The following DPP10 variants were observed in gnomAD, a reference collection of about 807,000 sequenced individuals.
DPP10 encodes the protein dipeptidyl peptidase like 10.
Under a neutral mutation model 120.9 loss-of-function variants are expected in DPP10, and 33 were observed. The observed-to-expected ratio is 0.27, with a 90% CI of 0.21 to 0.37. DPP10 has a LOEUF of 0.37. DPP10 is among the 10% of genes least tolerant of loss of function. The pLI, the probability that DPP10 is intolerant of heterozygous loss-of-function variation, is 1.00. For synonymous variants in DPP10, 337 were observed against 326.1 expected, an observed-to-expected ratio of 1.03 and a Z score of -0.36; for missense variants, 816 against 942.8, an observed-to-expected ratio of 0.87 and a Z score of 1.76.
chr2:115,565,741 G>C (rs1208532955), intron 5 of DPP10, among the ~76,000 whole-genome samples: 1 of 137,946 alleles, frequency 7.2e-6, no homozygotes, highest in East Asian at 2.1e-4. Flanking sequence ...TTAGGTAGAG[G>C]TTATGGGTTT....
At chr2:115,298,177 C>T (rs2060972855) in intron 1 of DPP10, among the ~76,000 whole-genome samples, 1 of 152,008 alleles carries the variant, frequency 6.6e-6, no homozygotes, top group African/African-American at 2.4e-5. Context: ...GAAATAGTCT[C>T]TGACCTGGTA....
intron 1 of DPP10, among the ~76,000 whole-genome samples, chr2:114,984,923 C>G (rs1482041230): frequency 1.3e-5 from 2 of 152,102 alleles, no homozygotes; most frequent in Non-Finnish European, 2.9e-5. Flanking sequence ...TTTACACTTG[C>G]CCTCTCCTAG....
intron 4 of DPP10, among the ~76,000 whole-genome samples, chr2:115,525,326 A>G (rs554849934): frequency 1.3e-4 from 20 of 152,228 alleles, no homozygotes; most frequent in Admixed American, 5.2e-4. Flanking sequence ...CAATTATTAG[A>G]TTATAGGCTC....
chr2:115,551,315 A>G (rs1017991418), intron 5 of DPP10, among the ~76,000 whole-genome samples: 1 of 152,138 alleles, frequency 6.6e-6, no homozygotes, highest in African/African-American at 2.4e-5. Flanking sequence ...ATTAAGAACA[A>G]ATTGCTCTTG....
At chr2:115,015,742 A>G (rs886766370) in intron 1 of DPP10, among the ~76,000 whole-genome samples, 4 of 152,176 alleles carry the variant, frequency 2.6e-5, no homozygotes, top group Non-Finnish European at 5.9e-5. Context: ...GTGAACTCCA[A>G]TTCACAATTG....
intron 1 of DPP10, among the ~76,000 whole-genome samples, chr2:115,244,797 G>A (rs778520528): frequency 6.6e-6 from 1 of 151,166 alleles, no homozygotes; most frequent in African/African-American, 2.4e-5. Context: ...ATATGTGTGT[G>A]TGTGTGTATA....
intron 2 of DPP10, among the ~76,000 whole-genome samples, chr2:115,314,032 G>T (rs2061686152): frequency 6.6e-6 from 1 of 152,150 alleles, no homozygotes; most frequent in South Asian, 2.1e-4. Context: ...TCTAGTAAAG[G>T]TATGCATCTA....
intron 21 of DPP10, among the ~76,000 whole-genome samples, chr2:115,834,475 A>C (rs956429065): frequency 1.3e-5 from 2 of 151,632 alleles, no homozygotes; most frequent in Non-Finnish European, 2.9e-5. Flanking sequence ...GCTGAAAATT[A>C]ATTTCTAAAA....
At chr2:115,491,774 T>C (rs1044355064) in intron 3 of DPP10, among the ~76,000 whole-genome samples, 1 of 152,130 alleles carries the variant, frequency 6.6e-6, no homozygotes, top group African/African-American at 2.4e-5. Context: ...TAGGTTGAAC[T>C]TTAGAATGAG....
intron 1 of DPP10, among the ~76,000 whole-genome samples, chr2:115,133,097 C>CTA (rs1175377402): frequency 8.5e-5 from 10 of 118,122 alleles, no homozygotes; most frequent in African/African-American, 6.6e-5. Flanking sequence ...ATCTCCCAAT[C>CTA]TATATATATG....
chr2:115,016,625 C>G, intron 1 of DPP10, among the ~76,000 whole-genome samples: 1 of 151,596 alleles, frequency 6.6e-6, no homozygotes, highest in Non-Finnish European at 1.5e-5. Context: ...GGCTAATATC[C>G]AGAATCTTCA....
intron 4 of DPP10, among the ~76,000 whole-genome samples, chr2:115,502,857 C>A (rs1028811284): frequency 1.8e-5 from 2 of 110,302 alleles, no homozygotes; most frequent in African/African-American, 3.3e-5. Context: ...CCAGGCTCGG[C>A]TAATTTTTTA....
chr2:115,680,559 C>T lies in DPP10; in HGVS notation c.442-9128C>T, dbSNP rs189889099. 3.2e-3 allele frequency among the ~76,000 whole-genome samples: 483 copies of T among 151,514 alleles called. 3 individuals carry two copies. The highest frequency in any genetic ancestry group is 0.011 in the African/African-American group (447 of 41,372). ...ACAAAAGTGGATGTATACCTCACACCGTAAATAAAAAATAATTATTGCTTA... is the reference window on the plus strand; with the variant it reads ...ACAAAAGTGGATGTATACCTCACACTGTAAATAAAAAATAATTATTGCTTA... On this transcript the variant is annotated intron_variant, in intron 5 of 25. Coordinates refer to ENST00000410059, the MANE Select transcript of DPP10 (RefSeq NM_020868.6).
chr2:115,609,584 C>G (rs902324586), intron 5 of DPP10, among the ~76,000 whole-genome samples: 3 of 152,072 alleles, frequency 2.0e-5, no homozygotes, highest in African/African-American at 7.2e-5. Flanking sequence ...TACCTCTCTT[C>G]TCCCCCACCA....
chr2:115,260,146 CTATATTA>C (rs1559328640), intron 1 of DPP10, among the ~76,000 whole-genome samples: 1 of 150,264 alleles, frequency 6.7e-6, no homozygotes, highest in East Asian at 1.9e-4. Flanking sequence ...ATTACACATT[CTATATTA>C]TATTATATAT....
chr2:115,778,219 C>A (rs1362426857), intron 15 of DPP10, among the ~76,000 whole-genome samples: 1 of 152,012 alleles, frequency 6.6e-6, no homozygotes, highest in Non-Finnish European at 1.5e-5. Flanking sequence ...GAAATTTATT[C>A]TTGTACAATA....
intron 1 of DPP10, among the ~76,000 whole-genome samples, chr2:115,218,487 A>G (rs2105397537): frequency 6.6e-6 from 1 of 152,230 alleles, no homozygotes. Context: ...GGAAAAATGT[A>G]TTTCTTTTAA....
intron 1 of DPP10, among the ~76,000 whole-genome samples, chr2:114,553,632 A>G (rs181128123): frequency 1.3e-5 from 2 of 152,356 alleles, no homozygotes; most frequent in African/African-American, 4.8e-5. Flanking sequence ...CAAATAAGTT[A>G]TAAGTGATTG....
Position 115,843,026 on chromosome 2 carries a change from T to C in DPP10, c.*681T>C, listed in dbSNP as rs1690303357. On this transcript the variant is annotated 3_prime_UTR_variant, in exon 26 of 26. Transcript: ENST00000410059. The stretch of plus-strand genomic sequence containing the variant: ...TACACAAGTGTGCATATACAGTTAA[T>C]GAAACTATCTTTAAATGTTATTCAT... The C allele has an allele frequency of 6.6e-6, 1 of 152,648 alleles. No individual in the cohort carries two copies. The highest frequency in any genetic ancestry group is 2.1e-4 in the South Asian group (1 of 4,832). 9.5% of individuals were successfully genotyped at this position (152,648 alleles called of 1,614,324 possible).
Sources: gnomAD v4.1 joint callset for allele counts (sites outside exome capture counted in the v4.1 genomes callset) on GRCh38, gnomAD v4.1.1 for gene constraint, MANE v1.5 for transcripts, NCBI Gene and HGNC (gene_info 2026-07-23, HGNC 2026-07-21) for gene names.